The following ANKFN1 variants were observed in gnomAD, a reference collection of about 807,000 sequenced individuals.
ANKFN1 encodes ankyrin repeat and fibronectin type III domain containing 1.
A neutral mutation model predicts 108.7 loss-of-function variants in ANKFN1; 74 were observed. The observed-to-expected ratio is 0.68, with a 90% CI of 0.56 to 0.83. ANKFN1 has a LOEUF of 0.83. ANKFN1 is among the 40% of genes least tolerant of loss of function. ANKFN1 has a pLI of 0.00. For synonymous variants in ANKFN1, 547 were observed against 516.2 expected (o/e 1.06, Z -0.81); for missense variants, 1,505 against 1,382.3 (o/e 1.09, Z -1.41).
intron 5 of ANKFN1, among the ~76,000 whole-genome samples, chr17:56,351,858 T>C (rs1258997547): frequency 1.3e-5 from 2 of 152,186 alleles, no homozygotes; most frequent in Non-Finnish European, 2.9e-5. Context: ...AATGGCACCA[T>C]TTGTTTGCTC....
intron 1 of ANKFN1, among the ~76,000 whole-genome samples, chr17:56,199,759 C>T (rs529326420): frequency 9.9e-5 from 15 of 152,238 alleles, no homozygotes; most frequent in East Asian, 3.9e-4. Flanking sequence ...ACAACAAATA[C>T]GCTTTTAGTA....
At chr17:56,398,989 G>A (rs574096552) in intron 8 of ANKFN1, among the ~76,000 whole-genome samples, 261 of 152,122 alleles carry the variant, frequency 1.7e-3, no homozygotes, top group African/African-American at 5.3e-3. Context: ...CAATGGATTC[G>A]AAAGGAAAAT....
Position 56,511,035 on chromosome 17 carries a change from T to A in ANKFN1, c.3207T>A (p.Ala1069=), listed in dbSNP as rs974790295. The change falls in exon 21 of 21, where the codon GCT becomes GCA. Residue 1069 remains alanine (A), a synonymous_variant. Transcript: ENST00000682825. ...DDPRGLTLAH[A]ASLPEERNSS... ...CCAGGGGCCTAACTCTGGCCCACGCTGCCAGCCTTCCTGAGGAGCGGAACA... is the reference window on the plus strand; with the variant it reads ...CCAGGGGCCTAACTCTGGCCCACGCAGCCAGCCTTCCTGAGGAGCGGAACA... 1 of 1,535,912 alleles carries A rather than the reference T, an allele frequency of 6.5e-7. No individual in the cohort carries two copies. The highest frequency in any genetic ancestry group is 1.2e-5 in the South Asian group (1 of 84,062).
At position 56,516,360 on chromosome 17, in the gene ANKFN1, C is replaced by T. The variant is rs2051917256; in HGVS notation, c.*5091C>T. Among the ~76,000 whole-genome samples the T allele has an allele frequency of 6.6e-6, 1 of 151,942 alleles. No individual in the cohort carries two copies. ...ATTCTCATTTGGCAGTATTTAATTG[C>T]TTCCTTCCTAATGTGTACATAGCAA... is the stretch of plus-strand genomic sequence containing the variant. On this transcript the variant is annotated 3_prime_UTR_variant, in exon 21 of 21. Transcript: ENST00000682825.
chr17:56,463,095 T>C (rs1383003673), intron 14 of ANKFN1, among the ~76,000 whole-genome samples: 2 of 152,214 alleles, frequency 1.3e-5, no homozygotes, highest in Non-Finnish European at 2.9e-5. Context: ...TAATATATAA[T>C]AGTAAATAGT....
chr17:56,074,937 G>C (rs1477787748), intron 4 of ANKFN1, among the ~76,000 whole-genome samples: 1 of 152,180 alleles, frequency 6.6e-6, no homozygotes, highest in Non-Finnish European at 1.5e-5. Flanking sequence ...ATTTTGTACA[G>C]CATGTTATCA....
At chr17:56,153,362 G>C, upstream of ANKFN1, 1 of 952,210 alleles carries the variant, frequency 1.1e-6, no homozygotes, top group East Asian at 2.4e-5. Context: ...CACTCCTGGA[G>C]CCAAGCCGTG....
chr17:56,368,001 C>A, intron 6 of ANKFN1: 1 of 261,934 alleles, frequency 3.8e-6, no homozygotes. Context: ...TAAGTCATCC[C>A]ATCTCCCTGG....
rs139015720 is a variant in ANKFN1, at chr17:56,051,670, T to G, written c.288+5345T>G. 4.2e-5 allele frequency among the ~76,000 whole-genome samples: 5 copies of G among 117,832 alleles called. 1 individual carries two copies. The highest frequency in any genetic ancestry group is 1.7e-4 in the Admixed American group (2 of 11,786). The allele number at this position is 117,832 out of a possible 152,430, so 77.3% of individuals were successfully genotyped here. The stretch of plus-strand genomic sequence containing the variant: ...GACATGACTGTATATCTAGAAAACC[T>G]CATTGTCTCAGCCCAAAATCTCCTT... On this transcript the variant is annotated intron_variant, in intron 4 of 12. Coordinates refer to the ANKFN1 transcript ENST00000635860.
chr17:56,097,268 C>T (rs1399241481), intron 4 of ANKFN1, among the ~76,000 whole-genome samples: 1 of 135,436 alleles, frequency 7.4e-6, no homozygotes, highest in Non-Finnish European at 1.7e-5. Flanking sequence ...TAGGCAATAA[C>T]TTAAAAATGA....
At chr17:56,275,450 C>G (rs2043902807) in intron 3 of ANKFN1, among the ~76,000 whole-genome samples, 1 of 151,844 alleles carries the variant, frequency 6.6e-6, no homozygotes, top group South Asian at 2.1e-4. Flanking sequence ...GAAGACTGTG[C>G]TGTTCAGAGT....
At chr17:56,455,366 T>G (rs899134698) in intron 11 of ANKFN1, among the ~76,000 whole-genome samples, 2 of 152,204 alleles carry the variant, frequency 1.3e-5, no homozygotes, top group Non-Finnish European at 2.9e-5. Flanking sequence ...CAAACTCATG[T>G]TCAAGTCAGA....
At chr17:56,391,484 T>C (rs1262187512) in intron 8 of ANKFN1, among the ~76,000 whole-genome samples, 1 of 150,744 alleles carries the variant, frequency 6.6e-6, no homozygotes, top group East Asian at 2.0e-4. Flanking sequence ...TGGAGTGCAG[T>C]GGCGCTATCT....
chr17:56,242,975 T>A (rs1254857809), intron 3 of ANKFN1, among the ~76,000 whole-genome samples: 1 of 152,160 alleles, frequency 6.6e-6, no homozygotes, highest in Non-Finnish European at 1.5e-5. Flanking sequence ...ATTCATAGAT[T>A]TTCTGACGTT....
At chr17:56,268,571 A>C (rs923013921) in intron 3 of ANKFN1, among the ~76,000 whole-genome samples, 11 of 152,242 alleles carry the variant, frequency 7.2e-5, no homozygotes, top group African/African-American at 2.7e-4. Flanking sequence ...GAAAGGAAAT[A>C]ACCAAAATCA....
At chr17:56,378,050 A>C (rs2046990035) in intron 8 of ANKFN1, among the ~76,000 whole-genome samples, 1 of 152,186 alleles carries the variant, frequency 6.6e-6, no homozygotes, top group Non-Finnish European at 1.5e-5. Flanking sequence ...GTAATAGCAA[A>C]TTGTTTAACT....
At chr17:56,087,685 T>A (rs1257615407) in intron 4 of ANKFN1, among the ~76,000 whole-genome samples, 1 of 151,412 alleles carries the variant, frequency 6.6e-6, no homozygotes, top group African/African-American at 2.4e-5. Context: ...CTAGTTCTTC[T>A]AAAACAGAGG....
chr17:56,273,924 C>T (rs999549410), intron 3 of ANKFN1, among the ~76,000 whole-genome samples: 3 of 152,204 alleles, frequency 2.0e-5, no homozygotes, highest in African/African-American at 7.2e-5. Flanking sequence ...CCAAATGTTA[C>T]TGTCTCTCCC....
At chr17:56,187,731 A>G (rs1467851968) in intron 1 of ANKFN1, among the ~76,000 whole-genome samples, 1 of 152,198 alleles carries the variant, frequency 6.6e-6, no homozygotes, top group Non-Finnish European at 1.5e-5. Flanking sequence ...GCACATATAC[A>G]CTATGGAATA....
Sources: gnomAD v4.1 joint callset for allele counts (sites outside exome capture counted in the v4.1 genomes callset) on GRCh38, gnomAD v4.1.1 for gene constraint, MANE v1.5 for transcripts, NCBI Gene and HGNC (gene_info 2026-07-23, HGNC 2026-07-21) for gene names.